Variants in STK17A observed in about 807,000 individuals in gnomAD.
STK17A encodes the protein serine/threonine kinase 17a.
A neutral mutation model predicts 43.7 loss-of-function variants in STK17A; 26 were observed. That is an observed-to-expected ratio of 0.60 (90% confidence interval 0.44 to 0.83). The LOEUF is 0.83. Ranked by LOEUF, STK17A falls within the 40% of genes least tolerant of loss-of-function variation. The probability of loss-of-function intolerance (pLI) is 0.00; values close to 1 mark genes in which losing one functional copy is unlikely to be tolerated. For synonymous variants in STK17A, 191 were observed against 182.5 expected, an observed-to-expected ratio of 1.05 and a Z score of -0.38; for missense variants, 476 against 511.6, an observed-to-expected ratio of 0.93 and a Z score of 0.67.
At chr7:43,618,030 T>G (rs1442447691) in intron 3 of STK17A, among the ~76,000 whole-genome samples, 3 of 152,050 alleles carry the variant, frequency 2.0e-5, no homozygotes, top group African/African-American at 4.8e-5. Flanking sequence ...ATTTTGTGAT[T>G]TGTAGTGGAA....
At chr7:43,599,059 C>T (rs904773001) in intron 2 of STK17A, among the ~76,000 whole-genome samples, 1 of 152,166 alleles carries the variant, frequency 6.6e-6, no homozygotes, top group Non-Finnish European at 1.5e-5. Flanking sequence ...GCCACCAGGC[C>T]TGGCCTCAAT....
chr7:43,615,148 G>A (rs1458799329), intron 3 of STK17A, among the ~76,000 whole-genome samples: 2 of 152,084 alleles, frequency 1.3e-5, no homozygotes, highest in South Asian at 2.1e-4. Flanking sequence ...AAGACATTTT[G>A]TGGTTACTAT....
intron 6 of STK17A, among the ~76,000 whole-genome samples, chr7:43,624,254 T>C (rs548002717): frequency 6.6e-6 from 1 of 152,330 alleles, no homozygotes; most frequent in East Asian, 1.9e-4. Context: ...CTCTAGCAGA[T>C]ACTTCCCATC....
chr7:43,605,397 C>T (rs1332595690), intron 2 of STK17A, among the ~76,000 whole-genome samples: 1 of 152,178 alleles, frequency 6.6e-6, no homozygotes, highest in Non-Finnish European at 1.5e-5. Context: ...CCAAAGAAGT[C>T]TGTTCGTTGC....
chr7:43,589,943 AT>A (rs771582952), intron 1 of STK17A, among the ~76,000 whole-genome samples: 1 of 144,892 alleles, frequency 6.9e-6, no homozygotes, highest in Admixed American at 6.8e-5. Flanking sequence ...TTTTAATTTT[AT>A]TTTATTTTAT....
intron 2 of STK17A, among the ~76,000 whole-genome samples, chr7:43,607,384 C>A (rs966407937): frequency 3.3e-5 from 5 of 151,808 alleles, no homozygotes; most frequent in African/African-American, 1.2e-4. Flanking sequence ...CATGGTGGCT[C>A]ACGCCTGTAA....
chr7:43,590,433 G>T (rs1323375435), intron 1 of STK17A, among the ~76,000 whole-genome samples: 1 of 151,180 alleles, frequency 6.6e-6, no homozygotes, highest in African/African-American at 2.4e-5. Context: ...TCAATCAAAT[G>T]TCACCTCCTC....
At chr7:43,619,561 T>A in intron 3 of STK17A, 36 bp from the exon 4 acceptor site, 1 of 1,606,166 alleles carries the variant, frequency 6.2e-7, no homozygotes, top group Non-Finnish European at 8.5e-7. Context: ...TTAATCATAG[T>A]TATATTGATT....
intron 1 of STK17A, among the ~76,000 whole-genome samples, chr7:43,586,166 G>A (rs1027110430): frequency 2.0e-4 from 31 of 151,328 alleles, no homozygotes; most frequent in African/African-American, 7.5e-4. Flanking sequence ...AATGATGTGG[G>A]AAGAAAAACA....
intron 2 of STK17A, 94 bp downstream of exon 2, chr7:43,596,207 T>A: frequency 8.9e-7 from 1 of 1,123,968 alleles, no homozygotes; most frequent in Non-Finnish European, 1.2e-6. Flanking sequence ...CAGGCCTGGT[T>A]CTCTGGAAAT....
chr7:43,589,082 C>T (rs2082462492), intron 1 of STK17A, among the ~76,000 whole-genome samples: 1 of 151,352 alleles, frequency 6.6e-6, no homozygotes, highest in Non-Finnish European at 1.5e-5. Context: ...CAAGTCAGAG[C>T]AGTAGAAAAA....
chr7:43,591,904 G>A (rs1204747837), intron 1 of STK17A, among the ~76,000 whole-genome samples: 2 of 151,532 alleles, frequency 1.3e-5, no homozygotes, highest in Middle Eastern at 3.4e-3. Flanking sequence ...AGACTTTCAG[G>A]CTATGTAATA....
At chr7:43,610,864 C>G (rs1188242957) in intron 3 of STK17A, among the ~76,000 whole-genome samples, 2 of 152,220 alleles carry the variant, frequency 1.3e-5, no homozygotes, top group African/African-American at 2.4e-5. Flanking sequence ...TGCCTGTAAT[C>G]CCAGCACTTT....
intron 1 of STK17A, among the ~76,000 whole-genome samples, 193 bp downstream of exon 1, chr7:43,583,642 C>A (rs2082417879): frequency 6.6e-6 from 1 of 152,136 alleles, no homozygotes. Context: ...GCCCCCTCCA[C>A]GCGCCGCGCC....
chr7:43,602,742 C>T (rs1347511065), intron 2 of STK17A, among the ~76,000 whole-genome samples: 1 of 152,030 alleles, frequency 6.6e-6, no homozygotes, highest in African/African-American at 2.4e-5. Flanking sequence ...CCCTGGATAA[C>T]AATCTATTTT....
chr7:43,583,585 AC>A, intron 1 of STK17A, 136 bp downstream of exon 1: 1 of 823,940 alleles, frequency 1.2e-6, no homozygotes. Flanking sequence ...GTGACTTGGC[AC>A]AAACTTGGGT....
At chr7:43,590,103 G>T (rs1433886597) in intron 1 of STK17A, among the ~76,000 whole-genome samples, 1 of 149,746 alleles carries the variant, frequency 6.7e-6, no homozygotes, top group East Asian at 1.9e-4. Flanking sequence ...ACACAACCAC[G>T]CCTGTCTAAT....
At chr7:43,602,308 T>C (rs912314804) in intron 2 of STK17A, among the ~76,000 whole-genome samples, 1 of 152,214 alleles carries the variant, frequency 6.6e-6, no homozygotes, top group Non-Finnish European at 1.5e-5. Context: ...TTGACTCTTA[T>C]GTCTTGCCTT....
chr7:43,615,468 C>T (rs1005143860), intron 3 of STK17A, among the ~76,000 whole-genome samples: 35 of 151,516 alleles, frequency 2.3e-4, no homozygotes, highest in African/African-American at 7.7e-4. Context: ...TGAGCCACTG[C>T]GCCCAGCCCT....
Sources: gnomAD v4.1 joint callset for allele counts (sites outside exome capture counted in the v4.1 genomes callset) on GRCh38, gnomAD v4.1.1 for gene constraint, MANE v1.5 for transcripts, NCBI Gene and HGNC (gene_info 2026-07-23, HGNC 2026-07-21) for gene names.